The following TRPM6 variants were observed in gnomAD, a reference collection of about 807,000 sequenced individuals.
TRPM6 encodes channel kinase 2.
In TRPM6, 111 loss-of-function variants were observed where a neutral mutation model predicts 247.6. The ratio of observed to expected loss-of-function variants is 0.45; its 90% CI spans 0.38 to 0.52. The LOEUF is 0.52. Ranked by LOEUF, TRPM6 falls within the 20% of genes least tolerant of loss-of-function variation. TRPM6 has a pLI of 0.00. For synonymous variants in TRPM6, 892 were observed against 853.8 expected (o/e 1.04, Z -0.78); for missense variants, 2,126 against 2,421.5 (o/e 0.88, Z 2.56).
intron 19 of TRPM6, among the ~76,000 whole-genome samples, chr9:74,789,601 A>G (rs534472859): frequency 2.3e-4 from 35 of 152,346 alleles, no homozygotes; most frequent in African/African-American, 7.9e-4. Flanking sequence ...AATGTATGAG[A>G]CTGCAGTCCT....
intron 9 of TRPM6, among the ~76,000 whole-genome samples, chr9:74,818,713 G>A (rs1328495532): frequency 1.3e-5 from 2 of 152,052 alleles, no homozygotes; most frequent in Non-Finnish European, 2.9e-5. Flanking sequence ...TCACTCACAG[G>A]GCTATTTCAA....
intron 16 of TRPM6, 70 bp downstream of exon 16, chr9:74,801,828 G>A: frequency 6.4e-7 from 1 of 1,570,066 alleles, no homozygotes; most frequent in Non-Finnish European, 8.7e-7. Context: ...TTAAAGATGA[G>A]AGAGATAAAA....
Position 74,763,035 on chromosome 9 carries a change from C to A in TRPM6, c.3636G>T (p.Gln1212His). The A allele has an allele frequency of 6.2e-7, 1 of 1,614,150 alleles. No homozygotes were observed. Among genetic ancestry groups the A allele is most frequent in the Non-Finnish European group, 8.5e-7 (1 of 1,180,006 alleles). ...TATCCACAGTCAGGGCAGAGAGATC[C>A]TGCAGGTGTCCCACCTGGCTGTCCA... is the stretch of plus-strand genomic sequence containing the variant. Reference protein sequence around the residue: ...LSLDSQVGHLQDLSALTVDTL... With the variant: ...LSLDSQVGHLHDLSALTVDTL... The change falls in exon 26 of 39, where the codon CAG (glutamine) becomes CAT (histidine). Residue 1212 changes from glutamine (Q) to histidine (H), a missense_variant. Physicochemically the swap from Gln to His is conservative, Grantham distance 24. Around this residue, in one of 3 missense-constraint regions of TRPM6, gnomAD observed 717 missense variants for 715.9 expected, o/e 1.00. Coordinates refer to ENST00000360774, the MANE Select transcript of TRPM6 (RefSeq NM_017662.5).
intron 13 of TRPM6, among the ~76,000 whole-genome samples, chr9:74,810,504 T>C (rs1828692255): frequency 6.6e-6 from 1 of 152,244 alleles, no homozygotes; most frequent in South Asian, 2.1e-4. Flanking sequence ...GGTATCATCA[T>C]CATAGGCACC....
intron 1 of TRPM6, among the ~76,000 whole-genome samples, chr9:74,882,473 C>T (rs937669684): frequency 6.6e-6 from 1 of 152,080 alleles, no homozygotes; most frequent in Non-Finnish European, 1.5e-5. Context: ...GTTTCTCAAA[C>T]GAATACATAC....
At chr9:74,845,528 C>T (rs1172324509) in intron 3 of TRPM6, among the ~76,000 whole-genome samples, 2 of 152,076 alleles carry the variant, frequency 1.3e-5, no homozygotes, top group East Asian at 1.9e-4. Context: ...TTAAAAGAAG[C>T]CAATCACAAA....
At chr9:74,779,196 G>A (rs1352357962) in intron 23 of TRPM6, among the ~76,000 whole-genome samples, 2 of 152,120 alleles carry the variant, frequency 1.3e-5, no homozygotes, top group Admixed American at 6.5e-5. Context: ...AGGATTGCTT[G>A]AACCAGGGAG....
At chr9:74,825,682 A>G (rs1829307128) in intron 7 of TRPM6, among the ~76,000 whole-genome samples, 1 of 152,118 alleles carries the variant, frequency 6.6e-6, no homozygotes, top group Non-Finnish European at 1.5e-5. Context: ...CATTCTTACT[A>G]AAATGGGCAA....
chr9:74,782,446 C>T lies in TRPM6; in HGVS notation c.3125G>A (p.Gly1042Asp). The change falls in exon 23 of 39, where the codon GGT becomes GAT. Residue 1042 changes from glycine to aspartate, a missense_variant. This residue lies in a region of TRPM6 where 1,082 missense variants were observed against 1,307.9 expected (regional missense o/e 0.83). Coordinates refer to ENST00000360774, the MANE Select transcript of TRPM6 (RefSeq NM_017662.5). ...VCSSQPSCPP[G>D]SFLTPFLQAV... The stretch of plus-strand genomic sequence containing the variant: ...TTGCAAGAATGGAGTAAGAAAAGAA[C>T]CAGGAGGGCAGGATGGCTGGCTTGA... 1.2e-6 allele frequency: 2 copies of T among 1,613,968 alleles called. No homozygotes were observed. Among genetic ancestry groups the T allele is most frequent in the Admixed American group, 1.7e-5 (1 of 60,000 alleles).
At chr9:74,759,052 A>G (rs2118827869) in intron 27 of TRPM6, among the ~76,000 whole-genome samples, 1 of 152,272 alleles carries the variant, frequency 6.6e-6, no homozygotes, top group Non-Finnish European at 1.5e-5. Context: ...GGATGCATTT[A>G]ACAAAATATG....
chr9:74,851,757 A>ATAT (rs1554727670), intron 3 of TRPM6, among the ~76,000 whole-genome samples: 133 of 139,566 alleles, frequency 9.5e-4, no homozygotes, highest in African/African-American at 3.3e-3. Context: ...TCAAAAAAAA[A>ATAT]AAAAAAATAT....
At chr9:74,787,082 C>G (rs1254537471) in intron 20 of TRPM6, among the ~76,000 whole-genome samples, 2 of 152,132 alleles carry the variant, frequency 1.3e-5, no homozygotes, top group Admixed American at 6.5e-5. Context: ...CGCCTGTAAT[C>G]CCGACACTTT....
intron 11 of TRPM6, among the ~76,000 whole-genome samples, chr9:74,815,439 T>C (rs1436955582): frequency 3.3e-5 from 5 of 152,200 alleles, no homozygotes; most frequent in Admixed American, 6.5e-5. Context: ...GTATCTCTCA[T>C]ACTCCCTTTC....
At chr9:74,764,902 A>G (rs945147327) in intron 25 of TRPM6, among the ~76,000 whole-genome samples, 5 of 152,220 alleles carry the variant, frequency 3.3e-5, no homozygotes, top group African/African-American at 1.2e-4. Context: ...GATACAATAC[A>G]AAAGGTAAGG....
chr9:74,866,464 TG>T (rs898359142), intron 1 of TRPM6, among the ~76,000 whole-genome samples: 3 of 151,916 alleles, frequency 2.0e-5, no homozygotes, highest in Non-Finnish European at 4.4e-5. Flanking sequence ...TTGATTTTTT[TG>T]GGGGGGTTTT....
intron 4 of TRPM6, among the ~76,000 whole-genome samples, chr9:74,841,916 G>T (rs536133507): frequency 1.1e-4 from 17 of 152,150 alleles, no homozygotes; most frequent in Non-Finnish European, 2.2e-4. Flanking sequence ...CTTCAAACAG[G>T]CAGAAACCTG....
chr9:74,739,707 T>C lies in TRPM6; in HGVS notation c.5487+16A>G. On this transcript the variant is annotated intron_variant, in intron 34 of 38. Transcript: ENST00000360774. ...CTTGTCCCTCTGGGCTATGGGTCTC[T>C]GAGTTTCAGACTTACCCTGAGGCAA... 1 of 1,609,910 alleles carries C rather than the reference T, an allele frequency of 6.2e-7. No homozygotes were observed. Among genetic ancestry groups the C allele is most frequent in the Non-Finnish European group, 8.5e-7 (1 of 1,179,956 alleles).
rs1826676114 is a variant in TRPM6 at position 74,762,385 on chromosome 9, C to T, written c.4286G>A (p.Cys1429Tyr). ...KAEQVLPTLS[C>Y]TPEPMTMSSP... ...GCTCATTGTCATGGGTTCAGGTGTG[C>T]AACTCAAAGTGGGTAGCACTTGCTC... Residue 1429 changes from cysteine to tyrosine, a missense_variant, in exon 26 of 39, where the codon TGC becomes TAC. Coordinates refer to ENST00000360774, the MANE Select transcript of TRPM6 (RefSeq NM_017662.5). The T allele has an allele frequency of 6.2e-7, 1 of 1,614,198 alleles. No individual in the cohort carries two copies. The highest frequency in any genetic ancestry group is 2.2e-5 in the East Asian group (1 of 44,888).
At chr9:74,792,959 C>T (rs1827961954) in intron 18 of TRPM6, among the ~76,000 whole-genome samples, 189 bp from the exon 19 acceptor site, 1 of 152,070 alleles carries the variant, frequency 6.6e-6, no homozygotes, top group African/African-American at 2.4e-5. Flanking sequence ...GAGTTCGAGA[C>T]CAGCCTGGCC....
Sources: allele counts gnomAD v4.1 joint callset (sites outside exome capture counted in the v4.1 genomes callset), GRCh38; gene constraint gnomAD v4.1.1; regional missense constraint gnomAD v4.1.1; transcripts MANE v1.5; gene names NCBI Gene and HGNC (gene_info 2026-07-23, HGNC 2026-07-21).